RGS6: variants seen among roughly 807,000 people sequenced by gnomAD.
RGS6 encodes the protein regulator of G-protein signaling 6.
In RGS6, 30 loss-of-function variants were observed where a neutral mutation model predicts 78.5. The observed-to-expected ratio is 0.38, with a 90% CI of 0.29 to 0.52. The LOEUF (loss-of-function observed/expected upper bound fraction) is 0.52, where lower values mean the gene tolerates loss of function less well. RGS6 is among the 20% of genes least tolerant of loss of function. The probability of loss-of-function intolerance (pLI) is 0.85; values close to 1 mark genes in which losing one functional copy is unlikely to be tolerated. For missense variants in RGS6, 495 were observed against 609.7 expected (o/e 0.81, Z 1.98); for synonymous variants, 206 against 206.0 (o/e 1.00, Z 0.00).
In RGS6 at chr14:72,132,279, C is replaced by CTT. The variant is rs529374337; in HGVS notation, c.84+167419_84+167420dup. Among the ~76,000 whole-genome samples the CTT allele has an allele frequency of 7.2e-5, 10 of 137,990 alleles. No individual in the cohort carries two copies. In the South Asian group the frequency reaches 9.4e-4, roughly 13 times the overall value. The allele number at this position is 137,990 out of a possible 152,430, so 90.5% of individuals were successfully genotyped here. ...TTTTGTATGTATTCTTCTTCTTCTTCTTTTTTTTTTTTTTTTAGGTGGAGT... is the reference window on the plus strand; with the variant it reads ...TTTTGTATGTATTCTTCTTCTTCTTCTTTTTTTTTTTTTTTTTTAGGTGGAGT... On this transcript the variant is annotated intron_variant, in intron 2 of 17. Coordinates refer to ENST00000553525, the MANE Select transcript of RGS6 (RefSeq NM_001204424.2).
At chr14:72,583,018 A>G in the RGS6 span, among the ~76,000 whole-genome samples, 1 of 152,140 alleles carries the variant, frequency 6.6e-6, no homozygotes, top group South Asian at 2.1e-4. Context: ...CAGGTACAAA[A>G]AAAGGGCAGA....
intron 7 of RGS6, among the ~76,000 whole-genome samples, chr14:72,469,095 C>T (rs2096004774): frequency 6.6e-6 from 1 of 152,076 alleles, no homozygotes; most frequent in African/African-American, 2.4e-5. Flanking sequence ...ACTCTACAGA[C>T]TTAGAGAAAA....
At chr14:71,950,460 A>G (rs942010331) in intron 1 of RGS6, among the ~76,000 whole-genome samples, 3 of 152,232 alleles carry the variant, frequency 2.0e-5, no homozygotes, top group Non-Finnish European at 4.4e-5. Flanking sequence ...ACCAAAAACT[A>G]TAAAAACCCT....
At chr14:72,016,308 C>T (rs1427651555) in intron 2 of RGS6, among the ~76,000 whole-genome samples, 1 of 152,218 alleles carries the variant, frequency 6.6e-6, no homozygotes. Flanking sequence ...CACTGTCATA[C>T]ACCACATTCC....
intron 2 of RGS6, among the ~76,000 whole-genome samples, chr14:72,327,868 A>G (rs981315979): frequency 2.6e-5 from 4 of 152,232 alleles, no homozygotes; most frequent in Admixed American, 6.5e-5. Flanking sequence ...CTCCAGAGAA[A>G]CAGAATAGGA....
chr14:72,628,636 AAGAG>A, the RGS6 span, among the ~76,000 whole-genome samples: 18 of 149,580 alleles, frequency 1.2e-4, no homozygotes, highest in South Asian at 2.1e-4. Context: ...GTCTTGCCAA[AAGAG>A]AGAGAGAGAG....
chr14:72,200,961 T>TAAAAAA (rs10577203), intron 2 of RGS6, among the ~76,000 whole-genome samples: 1 of 121,630 alleles, frequency 8.2e-6, no homozygotes, highest in Non-Finnish European at 1.6e-5. Context: ...GTGCTCTGCT[T>TAAAAAA]AAAAAAAAAA....
At chr14:72,566,755 T>C (rs1273627356), downstream of RGS6, among the ~76,000 whole-genome samples, 1 of 151,680 alleles carries the variant, frequency 6.6e-6, no homozygotes, top group Non-Finnish European at 1.5e-5. Context: ...ATTGGACTCA[T>C]CCTGGTAGGT....
intron 2 of RGS6, among the ~76,000 whole-genome samples, chr14:72,145,019 G>A (rs185335072): frequency 1.1e-3 from 163 of 152,124 alleles, no homozygotes; most frequent in African/African-American, 3.4e-3. Context: ...TAGAGGGGTC[G>A]AAGTGAGTTT....
chr14:72,400,162 A>G (rs2092193006), intron 3 of RGS6, among the ~76,000 whole-genome samples: 1 of 152,240 alleles, frequency 6.6e-6, no homozygotes, highest in African/African-American at 2.4e-5. Context: ...CCACAAAGGG[A>G]AGCCCATCAG....
chr14:72,604,025 A>G, the RGS6 span, among the ~76,000 whole-genome samples: 1 of 152,204 alleles, frequency 6.6e-6, no homozygotes, highest in Non-Finnish European at 1.5e-5. Flanking sequence ...CCAAGAGAGT[A>G]TAGTTTAACG....
At chr14:72,138,010 C>T (rs960283982) in intron 2 of RGS6, among the ~76,000 whole-genome samples, 1 of 152,160 alleles carries the variant, frequency 6.6e-6, no homozygotes, top group African/African-American at 2.4e-5. Flanking sequence ...AGCCACAAGT[C>T]ACCCTAATAC....
rs2096125774 is a variant in RGS6 at position 72,472,961 on chromosome 14, AG to A, written c.618+9del. The A allele has an allele frequency of 1.3e-6, 2 of 1,578,546 alleles. No individual in the cohort carries two copies. The highest frequency in any genetic ancestry group is 1.7e-6 in the Non-Finnish European group (2 of 1,165,276). On this transcript the variant is annotated intron_variant, in intron 9 of 17. Coordinates refer to ENST00000553525, the MANE Select transcript of RGS6 (RefSeq NM_001204424.2). ...GATGTCCACAGGCCTGTGGTGAGAA[AG>A]CGCTACTCAATTCTCTAGATTTTTT...
chr14:71,892,445 A>T, the RGS6 span, among the ~76,000 whole-genome samples: 7 of 152,240 alleles, frequency 4.6e-5, no homozygotes, highest in African/African-American at 1.7e-4. Flanking sequence ...CCTCAACAGG[A>T]TGCTCATATG....
chr14:72,134,164 T>C (rs2096388849), intron 2 of RGS6, among the ~76,000 whole-genome samples: 1 of 152,224 alleles, frequency 6.6e-6, no homozygotes, highest in Non-Finnish European at 1.5e-5. Flanking sequence ...CAGTTTTGAT[T>C]GGAAAACCTA....
At chr14:72,464,676 C>T (rs1276557931) in intron 6 of RGS6, 1 of 152,124 alleles carries the variant, frequency 6.6e-6, no homozygotes, top group Non-Finnish European at 1.5e-5. Flanking sequence ...TGGATTGTTC[C>T]ACTTGGCTCT....
chr14:72,105,214 T>C (rs570295249), intron 2 of RGS6, among the ~76,000 whole-genome samples: 436 of 152,358 alleles, frequency 2.9e-3, no homozygotes, highest in African/African-American at 9.0e-3. Flanking sequence ...GATGACTCCT[T>C]GACCAGTGGG....
chr14:72,226,791 C>T (rs2048230669), intron 2 of RGS6, among the ~76,000 whole-genome samples: 1 of 152,262 alleles, frequency 6.6e-6, no homozygotes. Flanking sequence ...CAACCTCCAC[C>T]TCCTGGGTTC....
At chr14:72,232,900 G>A (rs533880430) in intron 2 of RGS6, among the ~76,000 whole-genome samples, 11 of 152,302 alleles carry the variant, frequency 7.2e-5, no homozygotes, top group South Asian at 6.2e-4. Flanking sequence ...TGAGGCTGGC[G>A]TGCATGCAGC....
Sources: allele counts gnomAD v4.1 joint callset (sites outside exome capture counted in the v4.1 genomes callset), GRCh38; gene constraint gnomAD v4.1.1; transcripts MANE v1.5; gene names NCBI Gene and HGNC (gene_info 2026-07-23, HGNC 2026-07-21).